The following GABRG3 variants were observed in gnomAD, a reference collection of about 807,000 sequenced individuals.
The protein encoded by GABRG3 is gamma-aminobutyric acid receptor subunit gamma-3.
A neutral mutation model predicts 48.8 loss-of-function variants in GABRG3; 25 were observed. The observed-to-expected ratio is 0.51, with a 90% CI of 0.37 to 0.72. The LOEUF (loss-of-function observed/expected upper bound fraction) is 0.72. GABRG3 is among the 30% of genes least tolerant of loss of function. The pLI, the probability that GABRG3 is intolerant of heterozygous loss-of-function variation, is 0.00. For synonymous variants in GABRG3, 227 were observed against 217.6 expected, an observed-to-expected ratio of 1.04 and a Z score of -0.38; for missense variants, 394 against 577.9, an observed-to-expected ratio of 0.68 and a Z score of 3.26.
intron 3 of GABRG3, chr15:27,271,557 G>T: frequency 2.2e-6 from 1 of 455,908 alleles, no homozygotes; most frequent in Non-Finnish European, 4.4e-6. Context: ...TGGGGTGAGG[G>T]GTACAGAAGA....
intron 3 of GABRG3, among the ~76,000 whole-genome samples, chr15:27,277,394 G>A (rs989773955): frequency 3.3e-5 from 5 of 152,112 alleles, no homozygotes; most frequent in African/African-American, 1.2e-4. Flanking sequence ...ACATTGCAGG[G>A]TATAGACATT....
chr15:27,428,301 G>T (rs1374578090), intron 5 of GABRG3: 1 of 152,210 alleles, frequency 6.6e-6, no homozygotes, highest in Non-Finnish European at 1.5e-5. Context: ...AACATGCACA[G>T]TTCCCACTAA....
At chr15:27,149,497 G>A (rs1423014993) in intron 3 of GABRG3, among the ~76,000 whole-genome samples, 2 of 152,086 alleles carry the variant, frequency 1.3e-5, no homozygotes, top group African/African-American at 4.8e-5. Flanking sequence ...CCAAAAATGT[G>A]TATGGAAATT....
chr15:27,434,503 A>T (rs1888549476), intron 5 of GABRG3, among the ~76,000 whole-genome samples: 1 of 152,228 alleles, frequency 6.6e-6, no homozygotes, highest in Non-Finnish European at 1.5e-5. Flanking sequence ...ACATAAAATA[A>T]TTCATAATAA....
intron 9 of GABRG3, among the ~76,000 whole-genome samples, chr15:27,530,036 A>G (rs1891383732): frequency 6.6e-6 from 1 of 152,188 alleles, no homozygotes; most frequent in African/African-American, 2.4e-5. Flanking sequence ...TAAGCCAAAG[A>G]AAAAGGAAGT....
intron 5 of GABRG3, among the ~76,000 whole-genome samples, chr15:27,467,498 G>T (rs74006954): frequency 2.6e-5 from 4 of 152,164 alleles, no homozygotes; most frequent in African/African-American, 9.7e-5. Flanking sequence ...TAATGGGATC[G>T]TAGTCTTACA....
chr15:27,373,380 A>G lies in GABRG3; in HGVS notation c.574+44492A>G, dbSNP rs146000497. ...GGCATTTGTAGAAAATTGAATAAAG[A>G]TATGTTAAGGGAAAAGATTGCTGTA... On this transcript the variant is annotated intron_variant, in intron 5 of 9. Transcript: ENST00000615808. 3.3e-3 allele frequency among the ~76,000 whole-genome samples: 497 copies of G among 152,320 alleles called. 5 individuals carry two copies. Among genetic ancestry groups the G allele is most frequent in the African/African-American group, 0.011 (473 of 41,560 alleles).
chr15:26,990,495 G>T (rs371545071), intron 2 of GABRG3, among the ~76,000 whole-genome samples: 10 of 152,166 alleles, frequency 6.6e-5, no homozygotes, highest in African/African-American at 2.2e-4. Flanking sequence ...TATAATGTTT[G>T]TGTGAGCTCA....
chr15:27,282,346 C>T (rs1891461486), intron 3 of GABRG3, among the ~76,000 whole-genome samples: 1 of 152,062 alleles, frequency 6.6e-6, no homozygotes, highest in Non-Finnish European at 1.5e-5. Flanking sequence ...ATGTGAATGT[C>T]ATATCTTTTG....
Position 27,510,850 on chromosome 15 carries a change from A to G in GABRG3, c.713-9122A>G, listed in dbSNP as rs372726866. On this transcript the variant is annotated intron_variant, in intron 6 of 9. Transcript: ENST00000615808. ...ATTACGGGCATGAAGTTAAAAACTG[A>G]TTGTAATAAAAATTAGCACTTTTTG... Among the ~76,000 whole-genome samples the G allele has an allele frequency of 4.6e-5, 7 of 152,380 alleles. No homozygotes were observed. In the South Asian group the frequency reaches 8.3e-4, roughly 18 times the overall value.
intron 2 of GABRG3, 51 bp downstream of exon 2, chr15:26,977,201 G>A (rs1894968132): frequency 1.3e-6 from 2 of 1,560,818 alleles, no homozygotes; most frequent in South Asian, 1.2e-5. Context: ...GTAGTGATAT[G>A]AAGTTTTTAC....
intron 5 of GABRG3, among the ~76,000 whole-genome samples, chr15:27,476,421 G>A (rs1889942768): frequency 6.6e-6 from 1 of 151,670 alleles, no homozygotes; most frequent in Non-Finnish European, 1.5e-5. Flanking sequence ...AAAATCAAAG[G>A]AAAGTATAAC....
intron 3 of GABRG3, among the ~76,000 whole-genome samples, chr15:27,288,522 C>T (rs1224972850): frequency 1.3e-5 from 2 of 151,852 alleles, no homozygotes; most frequent in African/African-American, 4.8e-5. Flanking sequence ...GGTTCATGCT[C>T]CTCTAAGAAT....
intron 3 of GABRG3, among the ~76,000 whole-genome samples, chr15:27,042,608 C>A (rs74990041): frequency 1.3e-5 from 2 of 152,234 alleles, no homozygotes; most frequent in Non-Finnish European, 2.9e-5. Flanking sequence ...TCACCACACT[C>A]GCTGGTGCAA....
At chr15:27,154,773 G>A (rs1898387008) in intron 3 of GABRG3, among the ~76,000 whole-genome samples, 1 of 151,954 alleles carries the variant, frequency 6.6e-6, no homozygotes, top group South Asian at 2.1e-4. Context: ...ATATTCATGA[G>A]GAATATTGGT....
intron 3 of GABRG3, among the ~76,000 whole-genome samples, chr15:27,314,478 A>G (rs1489292500): frequency 6.6e-6 from 1 of 152,218 alleles, no homozygotes. Flanking sequence ...GCAGAATAAT[A>G]CAGCCACTAT....
intron 5 of GABRG3, among the ~76,000 whole-genome samples, chr15:27,417,971 G>A (rs1566831417): frequency 1.3e-5 from 2 of 152,156 alleles, no homozygotes; most frequent in Admixed American, 6.5e-5. Context: ...GGGCTTTTGC[G>A]AGGATCAGAC....
chr15:27,072,117 T>G (rs775900665), intron 3 of GABRG3, among the ~76,000 whole-genome samples: 1 of 152,234 alleles, frequency 6.6e-6, no homozygotes, highest in Non-Finnish European at 1.5e-5. Flanking sequence ...CAATCATGCT[T>G]TCGTAATGAC....
At chr15:27,251,606 A>G (rs902688485) in intron 3 of GABRG3, among the ~76,000 whole-genome samples, 2 of 152,234 alleles carry the variant, frequency 1.3e-5, no homozygotes, top group African/African-American at 2.4e-5. Flanking sequence ...TCCTAATCAA[A>G]TATTAAATAT....
Sources: allele counts gnomAD v4.1 joint callset (sites outside exome capture counted in the v4.1 genomes callset), GRCh38; gene constraint gnomAD v4.1.1; transcripts MANE v1.5; gene names NCBI Gene and HGNC (gene_info 2026-07-23, HGNC 2026-07-21).